The following ABCC1 variants were observed in gnomAD, a reference collection of about 807,000 sequenced individuals.
ABCC1 encodes multidrug resistance-associated protein 1.
Under a neutral mutation model 172.9 loss-of-function variants are expected in ABCC1, and 83 were observed. The observed-to-expected ratio is 0.48, with a 90% CI of 0.40 to 0.58. The LOEUF (loss-of-function observed/expected upper bound fraction) is 0.58. Ranked by LOEUF, ABCC1 falls within the 20% of genes least tolerant of loss-of-function variation. ABCC1 has a pLI of 0.00. For missense variants in ABCC1, 1,817 were observed against 2,002.7 expected (o/e 0.91, Z 1.77); for synonymous variants, 937 against 825.2 (o/e 1.14, Z -2.32).
chr16:15,971,259 G>A (rs2046361896), intron 1 of ABCC1, among the ~76,000 whole-genome samples: 1 of 152,124 alleles, frequency 6.6e-6, no homozygotes, highest in African/African-American at 2.4e-5. Context: ...CTCCCACCTA[G>A]CCTTTTAATA....
chr16:16,052,064 C>G (rs138325979), intron 10 of ABCC1, among the ~76,000 whole-genome samples: 2 of 152,112 alleles, frequency 1.3e-5, no homozygotes, highest in East Asian at 1.9e-4. Context: ...GACCTTGTCT[C>G]TACAAAAAAT....
chr16:16,051,528 C>A (rs937138408), intron 10 of ABCC1, among the ~76,000 whole-genome samples: 2 of 152,058 alleles, frequency 1.3e-5, no homozygotes, highest in African/African-American at 2.4e-5. Context: ...ACACATGGGG[C>A]GGTGTTCAAG....
chr16:16,004,172 A>C (rs528447439), intron 1 of ABCC1, among the ~76,000 whole-genome samples: 5 of 152,202 alleles, frequency 3.3e-5, no homozygotes, highest in African/African-American at 1.2e-4. Flanking sequence ...CACTGGCTGT[A>C]GCGGGGAGGA....
intron 8 of ABCC1, among the ~76,000 whole-genome samples, chr16:16,045,534 C>G (rs535765488): frequency 2.4e-4 from 37 of 152,150 alleles, no homozygotes; most frequent in African/African-American, 8.7e-4. Flanking sequence ...CATCCCTTCT[C>G]TTTTCCTCCC....
chr16:16,079,806 C>T (rs1455902296), intron 16 of ABCC1, among the ~76,000 whole-genome samples: 1 of 150,338 alleles, frequency 6.7e-6, no homozygotes, highest in Non-Finnish European at 1.5e-5. Context: ...TTATTATTAT[C>T]ATTATTATTG....
chr16:15,997,819 TTTTTTTTTC>T (rs1170890670), intron 1 of ABCC1, among the ~76,000 whole-genome samples: 2 of 138,626 alleles, frequency 1.4e-5, no homozygotes, highest in East Asian at 4.0e-4. Context: ...TTTTTTTTTT[TTTTTTTTTC>T]CCTGAGACAG....
intron 1 of ABCC1, among the ~76,000 whole-genome samples, chr16:15,969,853 C>G (rs1365539300): frequency 6.6e-6 from 1 of 152,048 alleles, no homozygotes; most frequent in East Asian, 1.9e-4. Flanking sequence ...AGGTGACAGT[C>G]TCTGAGGGTC....
chr16:15,951,884 C>T (rs45447893), intron 1 of ABCC1, among the ~76,000 whole-genome samples: 9,045 of 152,132 alleles, frequency 0.059, 856 homozygotes, highest in African/African-American at 0.2. Context: ...GAGACAGATT[C>T]GCACTATATT....
At chr16:16,002,417 C>G (rs2047346245) in intron 1 of ABCC1, among the ~76,000 whole-genome samples, 1 of 152,098 alleles carries the variant, frequency 6.6e-6, no homozygotes, top group African/African-American at 2.4e-5. Flanking sequence ...AAGACTTGTC[C>G]CTTGTACCTC....
intron 18 of ABCC1, among the ~76,000 whole-genome samples, chr16:16,087,952 C>T (rs1293979039): frequency 2.0e-5 from 3 of 152,082 alleles, no homozygotes; most frequent in East Asian, 1.9e-4. Flanking sequence ...CAGGAAACAT[C>T]GTGCTACATG....
rs1458184585 is a variant in ABCC1, at chr16:16,004,807, A to G, written c.49-3009A>G. On this transcript the variant is annotated intron_variant, in intron 1 of 30. Coordinates refer to ENST00000399410, the MANE Select transcript of ABCC1 (RefSeq NM_004996.4). ...CTAGCTGGGATTACAGACGTGCACT[A>G]CCCTGCCCGGCTAATTTTTATGTTT... 3.3e-5 allele frequency among the ~76,000 whole-genome samples: 5 copies of G among 151,542 alleles called. No individual in the cohort carries two copies. In the East Asian group the frequency reaches 9.7e-4, roughly 29 times the overall value.
chr16:16,135,831 A>AC (rs2045895894), intron 28 of ABCC1, among the ~76,000 whole-genome samples: 1 of 152,120 alleles, frequency 6.6e-6, no homozygotes, highest in Admixed American at 6.6e-5. Context: ...TCTTCCCTAA[A>AC]GTGTCTTAGA....
Position 16,068,245 on chromosome 16 carries a change from C to G in ABCC1, c.1767C>G (p.Phe589Leu). Residue 589 changes from phenylalanine to leucine, a missense_variant, in exon 13 of 31, where the codon TTC (phenylalanine) becomes TTG (leucine). Transcript: ENST00000399410. Reference protein sequence around the residue: ...AQTAFVSLALFNILRFPLNIL... With the variant: ...AQTAFVSLALLNILRFPLNIL... ...CAGCCTTCGTGTCTTTGGCCTTGTT[C>G]AACATCCTCCGGTTTCCCCTGAACA... 6.2e-7 allele frequency: 1 copy of G among 1,614,164 alleles called. No individual in the cohort carries two copies. The highest frequency in any genetic ancestry group is 8.5e-7 in the Non-Finnish European group (1 of 1,180,026).
chr16:16,030,856 T>A (rs2151823808), intron 5 of ABCC1, among the ~76,000 whole-genome samples: 1 of 152,156 alleles, frequency 6.6e-6, no homozygotes, highest in South Asian at 2.1e-4. Context: ...CAGTATTTTT[T>A]TAAATTTTAT....
intron 1 of ABCC1, among the ~76,000 whole-genome samples, chr16:15,963,604 A>C (rs1005800165): frequency 6.6e-6 from 1 of 152,208 alleles, no homozygotes; most frequent in Non-Finnish European, 1.5e-5. Context: ...CCACAGGCTC[A>C]ATACCACATG....
intron 23 of ABCC1, among the ~76,000 whole-genome samples, chr16:16,116,286 C>A (rs1049968650): frequency 6.6e-6 from 1 of 152,038 alleles, no homozygotes; most frequent in Non-Finnish European, 1.5e-5. Flanking sequence ...TCAGTGAGAT[C>A]AAGGAAGGGA....
chr16:16,035,148 T>C (rs2048707898), intron 6 of ABCC1, among the ~76,000 whole-genome samples: 1 of 152,198 alleles, frequency 6.6e-6, no homozygotes, highest in African/African-American at 2.4e-5. Context: ...ATGCCTGTAA[T>C]GTTAGCACTT....
chr16:16,025,877 A>G (rs1311875815), intron 5 of ABCC1, among the ~76,000 whole-genome samples: 2 of 152,208 alleles, frequency 1.3e-5, no homozygotes, highest in African/African-American at 2.4e-5. Flanking sequence ...GGACCAGTTC[A>G]CAAGCTGCTT....
chr16:16,131,927 G>A lies in ABCC1; in HGVS notation c.3958G>A (p.Gly1320Arg), dbSNP rs1343930472. The A allele has an allele frequency of 1.9e-6, 3 of 1,613,868 alleles. No homozygotes were observed. The highest frequency in any genetic ancestry group is 2.5e-6 in the Non-Finnish European group (3 of 1,179,932). The stretch of plus-strand genomic sequence containing the variant: ...GCACATCAATGTCACGATCAATGGG[G>A]GAGAAAAGGTGGGTACACATCGCCC... ...LRHINVTING[G>R]EKVGIVGRTG... The change falls in exon 27 of 31, where the codon GGA (glycine) becomes AGA (arginine). Residue 1320 changes from glycine (G) to arginine (R), a missense_variant. Physicochemically the swap from Gly to Arg is moderately radical, Grantham distance 125. Transcript: ENST00000399410.
Sources: allele counts gnomAD v4.1 joint callset (sites outside exome capture counted in the v4.1 genomes callset), GRCh38; gene constraint gnomAD v4.1.1; transcripts MANE v1.5; gene names NCBI Gene and HGNC (gene_info 2026-07-23, HGNC 2026-07-21).